SGPP2: variants seen among roughly 807,000 people sequenced by gnomAD.
SGPP2 encodes the protein sphingosine 1-phosphate phosphohydrolase 2.
SGPP2 carries 30 observed loss-of-function variants against 33.9 expected under a neutral mutation model. The observed-to-expected ratio is 0.89, with a 90% CI of 0.66 to 1.20. SGPP2 has a LOEUF of 1.20. SGPP2 is among the 50% of genes most tolerant of loss of function. The pLI is 0.00. For missense variants in SGPP2, 458 were observed against 532.1 expected (o/e 0.86, Z 1.37); for synonymous variants, 233 against 225.0 (o/e 1.04, Z -0.32).
intron 1 of SGPP2, among the ~76,000 whole-genome samples, chr2:222,466,487 T>G (rs1008696989): frequency 1.3e-5 from 2 of 152,134 alleles, no homozygotes; most frequent in African/African-American, 4.8e-5. Context: ...CTCGATCTCC[T>G]GACCTCGTGA....
At chr2:222,523,186 A>T (rs1698712149) in intron 3 of SGPP2, among the ~76,000 whole-genome samples, 2 of 152,252 alleles carry the variant, frequency 1.3e-5, no homozygotes, top group African/African-American at 4.8e-5. Flanking sequence ...CTACCTGGTC[A>T]TCTGGGTTTA....
chr2:222,453,325 TTTAAGAGCTGGACTGGA>T (rs1559147972), intron 1 of SGPP2, among the ~76,000 whole-genome samples: 4 of 152,050 alleles, frequency 2.6e-5, no homozygotes, highest in Admixed American at 2.0e-4. Context: ...AAGTAAAAAA[TTTAAGAGCTGGACTGGA>T]AAAAAGGCTA....
At chr2:222,527,976 A>G (rs1190329914) in intron 4 of SGPP2, among the ~76,000 whole-genome samples, 1 of 152,128 alleles carries the variant, frequency 6.6e-6, no homozygotes, top group African/African-American at 2.4e-5. Flanking sequence ...AAGTCTACTG[A>G]AGGAGACAGA....
chr2:222,449,173 A>G (rs1252379018), intron 1 of SGPP2, among the ~76,000 whole-genome samples: 2 of 152,112 alleles, frequency 1.3e-5, no homozygotes, highest in African/African-American at 4.8e-5. Context: ...CTTTCTACCC[A>G]TCTGGTCGTT....
At chr2:222,471,159 C>T (rs546094123) in intron 1 of SGPP2, among the ~76,000 whole-genome samples, 3 of 152,298 alleles carry the variant, frequency 2.0e-5, no homozygotes, top group Admixed American at 6.5e-5. Context: ...ATTACATGTA[C>T]TTACCCCTGA....
chr2:222,519,994 T>C (rs1207205513), intron 2 of SGPP2, among the ~76,000 whole-genome samples: 2 of 152,180 alleles, frequency 1.3e-5, no homozygotes, highest in African/African-American at 4.8e-5. Context: ...ATGTGTCTTT[T>C]TGGTAGAATG....
At chr2:222,489,192 A>T (rs1698159927) in intron 2 of SGPP2, among the ~76,000 whole-genome samples, 1 of 152,194 alleles carries the variant, frequency 6.6e-6, no homozygotes. Context: ...CACACCTGTA[A>T]CACTACTGCC....
At chr2:222,501,087 GA>G (rs1180405709) in intron 2 of SGPP2, among the ~76,000 whole-genome samples, 1 of 152,178 alleles carries the variant, frequency 6.6e-6, no homozygotes, top group Admixed American at 6.5e-5. Flanking sequence ...CAGACAAACA[GA>G]AAGCCTGTGA....
rs1443927609 is a variant in SGPP2 at position 222,477,900 on chromosome 2, C to T, written c.378+3174C>T. Among the ~76,000 whole-genome samples the T allele has an allele frequency of 6.6e-6, 1 of 152,096 alleles. No individual in the cohort carries two copies. The highest frequency in any genetic ancestry group is 2.4e-5 in the African/African-American group (1 of 41,398). On this transcript the variant is annotated intron_variant, in intron 2 of 4. Coordinates refer to ENST00000321276, the MANE Select transcript of SGPP2 (RefSeq NM_152386.4). This position sits in a 1 kb window ranked among gnomAD's most constrained non-coding sequence, Gnocchi z 6.0. ...GACAAGCTTTTGTCATAGAGTGAGGCAAATAAAATCTTTGCCCAAGAAAGG... is the reference window on the plus strand; with the variant it reads ...GACAAGCTTTTGTCATAGAGTGAGGTAAATAAAATCTTTGCCCAAGAAAGG...
rs1559154951 is a variant in SGPP2, at chr2:222,476,862, G to T, written c.378+2136G>T. 6.6e-6 allele frequency among the ~76,000 whole-genome samples: 1 copy of T among 150,882 alleles called. No homozygotes were observed. The highest frequency in any genetic ancestry group is 2.5e-5 in the African/African-American group (1 of 40,470). On this transcript the variant is annotated intron_variant, in intron 2 of 4. Transcript: ENST00000321276. This position sits in a 1 kb window ranked among gnomAD's most constrained non-coding sequence, Gnocchi z 4.3. The stretch of plus-strand genomic sequence containing the variant: ...TGTGTGTATATAGGTGTGTATATGT[G>T]TATATATAGGTGTGTGTATATATGT...
intron 4 of SGPP2, among the ~76,000 whole-genome samples, chr2:222,533,001 T>TA (rs1161771706): frequency 1.1e-4 from 16 of 151,358 alleles, no homozygotes; most frequent in African/African-American, 3.9e-4. Flanking sequence ...ACTGAGGTCT[T>TA]ACATTTTTTC....
intron 3 of SGPP2, among the ~76,000 whole-genome samples, chr2:222,522,501 T>C (rs1463399088): frequency 6.6e-6 from 1 of 152,224 alleles, no homozygotes; most frequent in African/African-American, 2.4e-5. Flanking sequence ...GATTAATAAA[T>C]GTTGAAAATA....
chr2:222,437,674 G>A (rs552994199), intron 1 of SGPP2, among the ~76,000 whole-genome samples: 3 of 152,266 alleles, frequency 2.0e-5, no homozygotes, highest in South Asian at 2.1e-4. Flanking sequence ...TGCTGTGCAC[G>A]ACCCACTTTA....
intron 1 of SGPP2, among the ~76,000 whole-genome samples, chr2:222,467,183 C>T (rs138760017): frequency 1.7e-3 from 254 of 152,274 alleles, no homozygotes; most frequent in African/African-American, 5.6e-3. Context: ...ACATCACCTG[C>T]GCTCCTGAGA....
At chr2:222,555,445 GTTTT>G (rs57228014) in intron 4 of SGPP2, among the ~76,000 whole-genome samples, 139 of 85,868 alleles carry the variant, frequency 1.6e-3, no homozygotes, top group African/African-American at 5.2e-3. Context: ...TCTTTTATCC[GTTTT>G]TTTTTTTTTT....
intron 4 of SGPP2, among the ~76,000 whole-genome samples, chr2:222,543,834 C>A (rs1212042448): frequency 6.6e-6 from 1 of 152,142 alleles, no homozygotes; most frequent in East Asian, 1.9e-4. Context: ...CTTGTATTCT[C>A]ATATAAATTT....
At chr2:222,482,205 C>A (rs538420989) in intron 2 of SGPP2, among the ~76,000 whole-genome samples, 2 of 152,138 alleles carry the variant, frequency 1.3e-5, no homozygotes, top group East Asian at 1.9e-4. Context: ...GAAACAGAGA[C>A]CCACTCAAGC....
At chr2:222,498,250 C>T (rs148117599) in intron 2 of SGPP2, 2 of 152,170 alleles carry the variant, frequency 1.3e-5, no homozygotes, top group East Asian at 3.9e-4. Flanking sequence ...GATGAGGTGC[C>T]CTCAACTCTG....
intron 4 of SGPP2, among the ~76,000 whole-genome samples, chr2:222,527,338 T>G (rs146679161): frequency 0.011 from 1,641 of 152,352 alleles, 34 homozygotes; most frequent in African/African-American, 0.038. Flanking sequence ...GGTGATGGTT[T>G]GGAACTGAAC....
Sources: gnomAD v4.1 joint callset for allele counts (sites outside exome capture counted in the v4.1 genomes callset) on GRCh38, gnomAD v4.1.1 for gene constraint, Gnocchi (gnomAD v3.1) non-coding constraint, MANE v1.5 for transcripts, NCBI Gene and HGNC (gene_info 2026-07-23, HGNC 2026-07-21) for gene names.